RHOBTB3: variants seen among roughly 807,000 people sequenced by gnomAD.
RHOBTB3 encodes rho-related BTB domain-containing protein 3.
A neutral mutation model predicts 67.2 loss-of-function variants in RHOBTB3; 47 were observed. The observed-to-expected ratio is 0.70, with a 90% confidence interval of 0.55 to 0.89. RHOBTB3 has a LOEUF of 0.89. Ranked by LOEUF, RHOBTB3 falls within the 40% of genes least tolerant of loss-of-function variation. The pLI is 0.00. For missense variants in RHOBTB3, 631 were observed against 750.0 expected (o/e 0.84, Z 1.85); for synonymous variants, 273 against 274.2 (o/e 1.00, Z 0.04).
At chr5:95,788,659 A>G (rs1746290470) in intron 10 of RHOBTB3, 103 bp from the exon 11 acceptor site, 1 of 724,300 alleles carries the variant, frequency 1.4e-6, no homozygotes, top group Non-Finnish European at 2.3e-6. Flanking sequence ...CACATTAAAC[A>G]TGAATATGGG....
At chr5:95,729,103 CTA>C, upstream of RHOBTB3, among the ~76,000 whole-genome samples, 1 of 152,314 alleles carries the variant, frequency 6.6e-6, no homozygotes, top group East Asian at 1.9e-4. Context: ...CAAGAAATAA[CTA>C]TAAGTATACT....
At position 95,731,501 on chromosome 5, in the gene RHOBTB3, C is replaced by T; in HGVS notation, c.-182C>T. 3.2e-6 allele frequency: 4 copies of T among 1,247,230 alleles called. No homozygotes were observed. The highest frequency in any genetic ancestry group is 4.0e-6 in the Non-Finnish European group (4 of 999,602). 77.3% of individuals were successfully genotyped at this position (1,247,230 alleles called of 1,614,324 possible). On this transcript the variant is annotated 5_prime_UTR_variant, in exon 1 of 12. Coordinates refer to ENST00000379982, the MANE Select transcript of RHOBTB3 (RefSeq NM_014899.4). ...CCCGCTAGCCCGCCCTGGTCCCCGG[C>T]TCGCTCGCTGGCTGGCGCGGCCCCG...
At chr5:95,759,415 C>T (rs1745336836) in intron 6 of RHOBTB3, among the ~76,000 whole-genome samples, 1 of 152,136 alleles carries the variant, frequency 6.6e-6, no homozygotes, top group Non-Finnish European at 1.5e-5. Context: ...GTTTCATTTA[C>T]ATTATGTTAA....
At chr5:95,741,701 G>C (rs553567196) in intron 3 of RHOBTB3, among the ~76,000 whole-genome samples, 23 of 151,712 alleles carry the variant, frequency 1.5e-4, no homozygotes, top group African/African-American at 4.8e-4. Flanking sequence ...AGTGGGTTTG[G>C]GGGGAGGGAC....
rs553645059 is a variant in RHOBTB3 at position 95,743,092 on chromosome 5, T to A, written c.416-5241T>A. Among the ~76,000 whole-genome samples, 238 of 152,084 alleles carry A rather than the reference T, an allele frequency of 1.6e-3. 1 individual carries two copies. Among genetic ancestry groups the A allele is most frequent in the African/African-American group, 5.3e-3 (219 of 41,502 alleles). Reference sequence around the variant, plus strand: ...TCTCAAAAAATAAAAAAATAAAAAATAAATAAAAAAAACTCTCAGGATAAT... The same window carrying A: ...TCTCAAAAAATAAAAAAATAAAAAAAAAATAAAAAAAACTCTCAGGATAAT... On this transcript the variant is annotated intron_variant, in intron 3 of 11. Coordinates refer to ENST00000379982, the MANE Select transcript of RHOBTB3 (RefSeq NM_014899.4).
At chr5:95,738,631 C>G (rs576750716) in intron 3 of RHOBTB3, among the ~76,000 whole-genome samples, 11 of 151,956 alleles carry the variant, frequency 7.2e-5, no homozygotes, top group African/African-American at 2.7e-4. Flanking sequence ...CACCATGGGA[C>G]GATGCAGCAG....
At chr5:95,726,701 T>G (rs1206699924), upstream of RHOBTB3, among the ~76,000 whole-genome samples, 1 of 152,246 alleles carries the variant, frequency 6.6e-6, no homozygotes, top group Non-Finnish European at 1.5e-5. Context: ...TGTGCTTGCA[T>G]TTTTAACACT....
intron 1 of RHOBTB3, among the ~76,000 whole-genome samples, chr5:95,724,870 C>T (rs1755006338): frequency 6.6e-6 from 1 of 152,014 alleles, no homozygotes; most frequent in Admixed American, 6.6e-5. Flanking sequence ...ATGCCTGGTA[C>T]ATGGTAAGTA....
chr5:95,772,444 A>G (rs1275890940), intron 8 of RHOBTB3, among the ~76,000 whole-genome samples: 1 of 152,028 alleles, frequency 6.6e-6, no homozygotes, highest in African/African-American at 2.4e-5. Context: ...TCGATTAGGT[A>G]TTTACTTCCT....
upstream of RHOBTB3, among the ~76,000 whole-genome samples, chr5:95,726,209 C>T (rs1239650982): frequency 6.6e-6 from 1 of 152,206 alleles, no homozygotes; most frequent in Non-Finnish European, 1.5e-5. Flanking sequence ...TATTTGCTAA[C>T]AAAGGAATGC....
Position 95,755,521 on chromosome 5 carries a change from C to T in RHOBTB3, c.808C>T (p.His270Tyr). Residue 270 changes from histidine to tyrosine, a missense_variant, in exon 6 of 12, where the codon CAC (histidine) becomes TAC (tyrosine). Transcript: ENST00000379982. Reference sequence around the variant, plus strand: ...CAATTTAAAGAAAGTTGTAGAGGCCCACAAGATCGTTCTCTGCGCTGTAAG... The same window carrying T: ...CAATTTAAAGAAAGTTGTAGAGGCCTACAAGATCGTTCTCTGCGCTGTAAG... ...NPNLKKVVEA[H>Y]KIVLCAVSHV... is the part of the protein sequence containing the mutation. 1 of 1,614,118 alleles carries T rather than the reference C, an allele frequency of 6.2e-7. No homozygotes were observed. The highest frequency in any genetic ancestry group is 8.5e-7 in the Non-Finnish European group (1 of 1,180,014).
chr5:95,731,109 G>C, upstream of RHOBTB3: 2 of 1,107,238 alleles, frequency 1.8e-6, no homozygotes, highest in South Asian at 4.0e-5. Context: ...TCTCGGGCTG[G>C]GGCGTTGTAT....
intron 10 of RHOBTB3, among the ~76,000 whole-genome samples, chr5:95,785,903 C>T (rs754936241): frequency 7.2e-5 from 11 of 152,164 alleles, no homozygotes; most frequent in Non-Finnish European, 1.5e-4. Context: ...TGCCCCCCTA[C>T]ACTTGGTTCC....
rs749879687 is a variant in RHOBTB3 at position 95,731,403 on chromosome 5, T to C, written c.-280T>C. ...GGGGACTGCGGTCAGCTGCGTCCACTTGGGGCTGTGCGGCGGTCCCGCGCC... is the reference window on the plus strand; with the variant it reads ...GGGGACTGCGGTCAGCTGCGTCCACCTGGGGCTGTGCGGCGGTCCCGCGCC... On this transcript the variant is annotated 5_prime_UTR_variant, in exon 1 of 12. Transcript: ENST00000379982. 3.0e-5 allele frequency: 36 copies of C among 1,182,994 alleles called. No individual in the cohort carries two copies. Among genetic ancestry groups the C allele is most frequent in the Non-Finnish European group, 3.8e-5 (36 of 959,810 alleles). The allele number at this position is 1,182,994 out of a possible 1,614,324, so 73.3% of individuals were successfully genotyped here.
intron 7 of RHOBTB3, among the ~76,000 whole-genome samples, chr5:95,765,211 T>C (rs1457777772): frequency 6.6e-6 from 1 of 152,224 alleles, no homozygotes; most frequent in Non-Finnish European, 1.5e-5. Context: ...AATATACATC[T>C]ATAAAATATT....
Position 95,795,259 on chromosome 5 carries a change from C to T in RHOBTB3, c.*2085C>T, listed in dbSNP as rs565439151. 6.6e-6 allele frequency: 1 copy of T among 152,220 alleles called. No individual in the cohort carries two copies. Among genetic ancestry groups the T allele is most frequent in the African/African-American group, 2.4e-5 (1 of 41,538 alleles). 9.4% of individuals were successfully genotyped at this position (152,220 alleles called of 1,614,324 possible). A position where few individuals can be genotyped will look rare whatever the true frequency, so the allele number is the denominator to read the frequency against. ...TATTTTAATCACTTGAGTTAATCAACCACTGGCAAATCCCATTTGACAAAG... is the reference window on the plus strand; with the variant it reads ...TATTTTAATCACTTGAGTTAATCAATCACTGGCAAATCCCATTTGACAAAG... On this transcript the variant is annotated 3_prime_UTR_variant, in exon 12 of 12. Transcript: ENST00000379982.
At chr5:95,789,238 T>G (rs910041563) in intron 11 of RHOBTB3, 2 of 169,816 alleles carry the variant, frequency 1.2e-5, no homozygotes, top group African/African-American at 4.8e-5. Context: ...AAAAATTTTT[T>G]ATAAAGGAAT....
intron 8 of RHOBTB3, among the ~76,000 whole-genome samples, chr5:95,777,426 G>T (rs1348353877): frequency 6.6e-6 from 1 of 152,134 alleles, no homozygotes; most frequent in African/African-American, 2.4e-5. Context: ...TTTCACTCTT[G>T]TAGTTCTTTT....
At chr5:95,758,859 A>C (rs79291750) in intron 6 of RHOBTB3, among the ~76,000 whole-genome samples, 3,469 of 152,288 alleles carry the variant, frequency 0.023, 113 homozygotes, top group African/African-American at 0.075. Flanking sequence ...AAGCAGCTGG[A>C]ATACCTGCTT....
Sources: gnomAD v4.1 joint callset for allele counts (sites outside exome capture counted in the v4.1 genomes callset) on GRCh38, gnomAD v4.1.1 for gene constraint, MANE v1.5 for transcripts, NCBI Gene and HGNC (gene_info 2026-07-23, HGNC 2026-07-21) for gene names.